The following CCDC85A variants were observed in gnomAD, a reference collection of about 807,000 sequenced individuals.
The protein encoded by CCDC85A is coiled-coil domain-containing protein 85A.
Under a neutral mutation model 50.2 loss-of-function variants are expected in CCDC85A, and 38 were observed. The observed-to-expected ratio is 0.76, with a 90% CI of 0.58 to 0.99. CCDC85A has a LOEUF of 0.99. CCDC85A is among the 50% of genes least tolerant of loss of function. CCDC85A has a pLI of 0.00. For missense variants in CCDC85A, 820 were observed against 742.0 expected (o/e 1.11, Z -1.22); for synonymous variants, 366 against 301.4 (o/e 1.21, Z -2.22).
At chr2:56,343,988 C>A (rs949443631) in intron 3 of CCDC85A, among the ~76,000 whole-genome samples, 5 of 152,108 alleles carry the variant, frequency 3.3e-5, no homozygotes, top group African/African-American at 7.2e-5. Flanking sequence ...TCAGGTACTG[C>A]ACATAAGAAT....
intron 1 of CCDC85A, among the ~76,000 whole-genome samples, chr2:56,189,591 G>T (rs1437010447): frequency 6.6e-6 from 1 of 152,040 alleles, no homozygotes; most frequent in Non-Finnish European, 1.5e-5. Flanking sequence ...GAACCCAGGT[G>T]TTGTTGTTTT....
chr2:56,266,628 A>G (rs13025817), intron 2 of CCDC85A, among the ~76,000 whole-genome samples: 34,886 of 126,114 alleles, frequency 0.28, 5,297 homozygotes, highest in East Asian at 0.4. Context: ...ATTGTGATTT[A>G]TGTGAAATGA....
intron 2 of CCDC85A, among the ~76,000 whole-genome samples, chr2:56,286,429 A>T (rs183914708): frequency 5.8e-4 from 89 of 152,160 alleles, no homozygotes; most frequent in Non-Finnish European, 1.1e-3. Flanking sequence ...GCTTTCATCT[A>T]TGTTCTTCAA....
chr2:56,263,826 C>G (rs1670320625), intron 2 of CCDC85A, among the ~76,000 whole-genome samples: 1 of 152,182 alleles, frequency 6.6e-6, no homozygotes, highest in Non-Finnish European at 1.5e-5. Flanking sequence ...CTCCAGCTTA[C>G]ACACTATAAC....
intron 2 of CCDC85A, among the ~76,000 whole-genome samples, chr2:56,259,817 T>C (rs527701374): frequency 6.6e-6 from 1 of 152,316 alleles, no homozygotes; most frequent in South Asian, 2.1e-4. Context: ...TCTTCAGTAC[T>C]GATGATGACA....
chr2:56,372,025 T>C (rs1023727374), intron 3 of CCDC85A, among the ~76,000 whole-genome samples: 30 of 152,202 alleles, frequency 2.0e-4, no homozygotes, highest in African/African-American at 6.8e-4. Flanking sequence ...ATTATTATTT[T>C]ATGCTGGTAA....
In CCDC85A at chr2:56,192,998, A is replaced by G. The variant is rs773524256; in HGVS notation, c.798A>G (p.Gly266=). 13 of 1,613,304 alleles carry G rather than the reference A, an allele frequency of 8.1e-6. No homozygotes were observed. Among genetic ancestry groups the G allele is most frequent in the Non-Finnish European group, 1.1e-5 (13 of 1,179,786 alleles). Residue 266 remains glycine, a synonymous_variant, in exon 2 of 6, where the codon GGA becomes GGG. Coordinates refer to ENST00000407595, the MANE Select transcript of CCDC85A (RefSeq NM_001080433.2). This position sits in a 1 kb window ranked among gnomAD's most constrained non-coding sequence, Gnocchi z 4.7. Reference sequence around the variant, plus strand: ...ATCCACAGAAACCCAGAGCCTGTGGAACCCCAGATCGCCCCAAAGCACTCA... The same window carrying G: ...ATCCACAGAAACCCAGAGCCTGTGGGACCCCAGATCGCCCCAAAGCACTCA... The part of the protein sequence containing the change: ...PEHPQKPRAC[G]TPDRPKALKG...
chr2:56,335,686 C>T (rs1674037736), intron 2 of CCDC85A, among the ~76,000 whole-genome samples: 1 of 151,804 alleles, frequency 6.6e-6, no homozygotes, highest in Non-Finnish European at 1.5e-5. Context: ...ACTGCAACCA[C>T]TGCCTCCCAG....
rs147203079 is a variant in CCDC85A, at chr2:56,184,593, C to A, written c.-32C>A. 3.6e-4 allele frequency: 501 copies of A among 1,388,046 alleles called. 3 individuals are homozygous for A. The African/African-American group carries it at 7.0e-3, about 19-fold the overall frequency. The allele number at this position is 1,388,046 out of a possible 1,614,324, so 86.0% of individuals were successfully genotyped here. ...CCTTCGGGAGTCGCCTCGCCTCTTC[C>A]ACCCACTTGCACCTGCCACCCCGCG... is the stretch of plus-strand genomic sequence containing the variant. On this transcript the variant is annotated 5_prime_UTR_variant, in exon 1 of 6. Coordinates refer to ENST00000407595, the MANE Select transcript of CCDC85A (RefSeq NM_001080433.2).
chr2:56,284,259 T>A (rs974981769), intron 2 of CCDC85A, among the ~76,000 whole-genome samples: 3 of 152,248 alleles, frequency 2.0e-5, no homozygotes, highest in African/African-American at 7.2e-5. Flanking sequence ...TTATGTCTTT[T>A]ATTGCTCTTT....
chr2:56,224,423 T>C (rs1425204129), intron 2 of CCDC85A, among the ~76,000 whole-genome samples: 1 of 152,222 alleles, frequency 6.6e-6, no homozygotes, highest in Non-Finnish European at 1.5e-5. Context: ...ATTACACATA[T>C]GAACACTTAT....
chr2:56,354,594 T>C (rs1675127761), intron 3 of CCDC85A, among the ~76,000 whole-genome samples: 6 of 152,152 alleles, frequency 3.9e-5, no homozygotes. Flanking sequence ...TGGTAATGAG[T>C]GTAGCTTTTA....
chr2:56,209,844 C>T (rs979186718), intron 2 of CCDC85A, among the ~76,000 whole-genome samples: 1 of 151,920 alleles, frequency 6.6e-6, no homozygotes. Context: ...CAGTGGAATT[C>T]CTGCTTTATA....
intron 2 of CCDC85A, among the ~76,000 whole-genome samples, chr2:56,216,173 C>A (rs181360472): frequency 6.6e-6 from 1 of 151,938 alleles, no homozygotes; most frequent in Admixed American, 6.6e-5. Context: ...TTGGCAATTG[C>A]GAACAAAGCT....
At chr2:56,270,111 A>G (rs1038483156) in intron 2 of CCDC85A, among the ~76,000 whole-genome samples, 5 of 152,078 alleles carry the variant, frequency 3.3e-5, no homozygotes, top group East Asian at 3.9e-4. Context: ...GAACATATAT[A>G]TGTGTTTATG....
At chr2:56,281,476 T>C (rs1006834225) in intron 2 of CCDC85A, among the ~76,000 whole-genome samples, 1 of 152,176 alleles carries the variant, frequency 6.6e-6, no homozygotes. Context: ...AGGTGTGTAT[T>C]GAACTTTATA....
chr2:56,263,486 C>T (rs1670304156), intron 2 of CCDC85A, among the ~76,000 whole-genome samples: 1 of 152,176 alleles, frequency 6.6e-6, no homozygotes, highest in Non-Finnish European at 1.5e-5. Context: ...TGCCTGTCTG[C>T]TCAGAGCCCT....
At chr2:56,278,166 T>A (rs943275450) in intron 2 of CCDC85A, among the ~76,000 whole-genome samples, 3 of 152,146 alleles carry the variant, frequency 2.0e-5, no homozygotes, top group Admixed American at 6.5e-5. Flanking sequence ...CTTTCCCCCA[T>A]GCCAGAGTGT....
Position 56,330,761 on chromosome 2 carries a change from T to C in CCDC85A, c.1241-12118T>C, listed in dbSNP as rs577393895. 6.6e-5 allele frequency among the ~76,000 whole-genome samples: 10 copies of C among 152,306 alleles called. 1 individual carries two copies. The East Asian group carries it at 9.7e-4, about 15-fold the overall frequency. Reference sequence around the variant, plus strand: ...AAACTCTTTCCTTTGGGAACACTTATGTACTGTTCGTGGGAATGTAAATAA... The same window carrying C: ...AAACTCTTTCCTTTGGGAACACTTACGTACTGTTCGTGGGAATGTAAATAA... On this transcript the variant is annotated intron_variant, in intron 2 of 5. Transcript: ENST00000407595.
Sources: gnomAD v4.1 joint callset for allele counts (sites outside exome capture counted in the v4.1 genomes callset) on GRCh38, gnomAD v4.1.1 for gene constraint, Gnocchi (gnomAD v3.1) non-coding constraint, MANE v1.5 for transcripts, NCBI Gene and HGNC (gene_info 2026-07-23, HGNC 2026-07-21) for gene names.